CCM2: variants seen among roughly 807,000 people sequenced by gnomAD.
The protein encoded by CCM2 is CCM2 scaffold protein.
CCM2 carries 25 observed loss-of-function variants against 44.9 expected under a neutral mutation model. The observed-to-expected ratio is 0.56, with a 90% CI of 0.41 to 0.78. The LOEUF (loss-of-function observed/expected upper bound fraction) is 0.78, where lower values mean the gene tolerates loss of function less well. Ranked by LOEUF, CCM2 falls within the 30% of genes least tolerant of loss-of-function variation. CCM2 has a pLI of 0.00. For synonymous variants in CCM2, 219 were observed against 241.1 expected, an observed-to-expected ratio of 0.91 and a Z score of 0.85; for missense variants, 481 against 580.6, an observed-to-expected ratio of 0.83 and a Z score of 1.76.
chr7:45,041,589 A>G (rs1456329538), intron 2 of CCM2, among the ~76,000 whole-genome samples: 2 of 152,214 alleles, frequency 1.3e-5, no homozygotes, highest in African/African-American at 4.8e-5. Flanking sequence ...GGACCAGGAA[A>G]GGGGCAGCCT....
intron 4 of CCM2, among the ~76,000 whole-genome samples, chr7:45,065,445 G>A (rs143275066): frequency 3.3e-4 from 50 of 152,366 alleles, no homozygotes; most frequent in African/African-American, 1.1e-3. Flanking sequence ...CAGAGGGCCA[G>A]TGGCAGGGTG....
intron 2 of CCM2, among the ~76,000 whole-genome samples, chr7:45,047,838 G>A (rs1263025263): frequency 6.6e-6 from 1 of 152,014 alleles, no homozygotes; most frequent in African/African-American, 2.4e-5. Flanking sequence ...GGGGCAATAG[G>A]GTAAAGGGAG....
At chr7:45,065,682 A>G (rs1463496711) in intron 4 of CCM2, among the ~76,000 whole-genome samples, 2 of 152,144 alleles carry the variant, frequency 1.3e-5, no homozygotes, top group African/African-American at 4.8e-5. Context: ...TAAACTACAC[A>G]GGGAACACTG....
At chr7:45,002,502 C>CTT (rs779729430) in intron 1 of CCM2, among the ~76,000 whole-genome samples, 3 of 141,520 alleles carry the variant, frequency 2.1e-5, no homozygotes, top group Non-Finnish European at 3.1e-5. Context: ...TCAGGTGGGC[C>CTT]TTTTTTTTTT....
rs534801058 is a variant in CCM2, at chr7:45,073,538, C to T, written c.882C>T (p.Ser294=). 19 of 1,612,380 alleles carry T rather than the reference C, an allele frequency of 1.2e-5. No homozygotes were observed. Among genetic ancestry groups the T allele is most frequent in the African/African-American group, 2.7e-5 (2 of 75,010 alleles). The part of the protein sequence containing the change: ...KTISESELSA[S]ATELLQDYML... ...TCAGTGAGAGCGAGCTGAGCGCCAG[C>T]GCCACTGAGCTGCTGCAGGACTACA... The change falls in exon 8 of 10, where the codon AGC becomes AGT. Residue 294 remains serine, a synonymous_variant. Coordinates refer to ENST00000258781, the MANE Select transcript of CCM2 (RefSeq NM_031443.4).
chr7:45,018,112 T>C (rs774471620), intron 1 of CCM2, among the ~76,000 whole-genome samples: 7 of 152,112 alleles, frequency 4.6e-5, no homozygotes, highest in Non-Finnish European at 8.8e-5. Context: ...GTGCGTAACC[T>C]AGATCCCTCC....
intron 1 of CCM2, among the ~76,000 whole-genome samples, chr7:45,009,009 T>C (rs1218577817): frequency 6.6e-6 from 1 of 152,060 alleles, no homozygotes; most frequent in African/African-American, 2.4e-5. Flanking sequence ...CATTTTATGA[T>C]GAAAATTTTT....
chr7:45,029,096 TCCTGCTGGGC>T (rs1184076766), intron 1 of CCM2, among the ~76,000 whole-genome samples: 101 of 152,264 alleles, frequency 6.6e-4, no homozygotes, highest in African/African-American at 2.2e-3. Context: ...TTTCCCTCAT[TCCTGCTGGGC>T]CCTCATGTGG....
chr7:45,018,987 T>G (rs1370743776), intron 1 of CCM2, among the ~76,000 whole-genome samples: 1 of 151,634 alleles, frequency 6.6e-6, no homozygotes, highest in Admixed American at 6.6e-5. Context: ...CTCGAACTCC[T>G]GACCTCAGAT....
In CCM2 at chr7:45,000,228, G is replaced by A; in HGVS notation, c.-106G>A. 1.4e-6 allele frequency: 1 copy of A among 696,384 alleles called. No homozygotes were observed. Among genetic ancestry groups the A allele is most frequent in the Non-Finnish European group, 1.8e-6 (1 of 565,380 alleles). The allele number at this position is 696,384 out of a possible 1,614,324, so 43.1% of individuals were successfully genotyped here. On this transcript the variant is annotated 5_prime_UTR_variant, in exon 1 of 10. Coordinates refer to ENST00000258781, the MANE Select transcript of CCM2 (RefSeq NM_031443.4). ...AGACTTCGGGCCCGGCTGGCGGGCGGCGCCGGGAGCGCGGGGGCGGCGGGC... is the reference window on the plus strand; with the variant it reads ...AGACTTCGGGCCCGGCTGGCGGGCGACGCCGGGAGCGCGGGGGCGGCGGGC...
At chr7:45,024,501 T>C (rs1403515679) in intron 1 of CCM2, among the ~76,000 whole-genome samples, 12 of 152,330 alleles carry the variant, frequency 7.9e-5, no homozygotes, top group African/African-American at 2.9e-4. Context: ...GTTCCACTGT[T>C]TCTTGGAGTC....
intron 2 of CCM2, among the ~76,000 whole-genome samples, chr7:45,047,943 A>G (rs1797836925): frequency 6.6e-6 from 1 of 152,240 alleles, no homozygotes; most frequent in Admixed American, 6.5e-5. Context: ...TTTGACTACT[A>G]CTTGGCATGT....
At chr7:45,014,705 T>A (rs1198140436) in intron 1 of CCM2, among the ~76,000 whole-genome samples, 2 of 144,778 alleles carry the variant, frequency 1.4e-5, no homozygotes, top group African/African-American at 5.1e-5. Context: ...CACTCCAACC[T>A]CCACCTCCTG....
intron 1 of CCM2, among the ~76,000 whole-genome samples, chr7:45,003,132 A>G (rs1002334837): frequency 2.0e-5 from 3 of 151,984 alleles, no homozygotes; most frequent in African/African-American, 7.2e-5. Context: ...CTGGAGTGCA[A>G]TGGCACGATC....
chr7:45,001,307 C>T (rs1795616755), intron 1 of CCM2, among the ~76,000 whole-genome samples: 4 of 152,194 alleles, frequency 2.6e-5, no homozygotes, highest in Admixed American at 1.3e-4. Flanking sequence ...ACTTTCTCAA[C>T]TCATTGTTTC....
intron 2 of CCM2, among the ~76,000 whole-genome samples, chr7:45,040,591 C>G (rs189429414): frequency 6.6e-6 from 1 of 152,060 alleles, no homozygotes. Context: ...GGACATGACT[C>G]CCCCCATTGA....
chr7:45,024,933 C>T (rs1293445989), intron 1 of CCM2, among the ~76,000 whole-genome samples: 2 of 152,200 alleles, frequency 1.3e-5, no homozygotes, highest in South Asian at 2.1e-4. Flanking sequence ...TTGTTGTCTT[C>T]TGATATTTGT....
At chr7:45,036,250 T>A (rs888910406) in intron 1 of CCM2, among the ~76,000 whole-genome samples, 8 of 152,274 alleles carry the variant, frequency 5.3e-5, no homozygotes, top group Non-Finnish European at 1.2e-4. Flanking sequence ...TGTTTTTTGT[T>A]TTCGTTTTTA....
chr7:45,017,102 A>G (rs963121648), intron 1 of CCM2, among the ~76,000 whole-genome samples: 2 of 152,222 alleles, frequency 1.3e-5, no homozygotes, highest in Non-Finnish European at 1.5e-5. Flanking sequence ...TTTTAGGTTC[A>G]GGGGTACATG....
Sources: gnomAD v4.1 joint callset for allele counts (sites outside exome capture counted in the v4.1 genomes callset) on GRCh38, gnomAD v4.1.1 for gene constraint, MANE v1.5 for transcripts, NCBI Gene and HGNC (gene_info 2026-07-23, HGNC 2026-07-21) for gene names.